GSE1: variants seen among roughly 807,000 people sequenced by gnomAD.
GSE1 encodes Gse1 coiled-coil protein.
In GSE1, 32 loss-of-function variants were observed where a neutral mutation model predicts 112.6. That is an observed-to-expected ratio of 0.28 (90% CI 0.21 to 0.38). The LOEUF is 0.38. Among genes scored for constraint, GSE1 ranks in the 10% least tolerant of loss-of-function variants. The pLI is 1.00. For missense variants in GSE1, 2,348 were observed against 1,699.2 expected (o/e 1.38, Z -6.71); for synonymous variants, 1,115 against 735.6 (o/e 1.52, Z -8.35).
At chr16:85,489,512 C>T (rs1035449061) in intron 2 of GSE1, among the ~76,000 whole-genome samples, 1 of 152,088 alleles carries the variant, frequency 6.6e-6, no homozygotes, top group Non-Finnish European at 1.5e-5. Context: ...ACTGTGCAGC[C>T]ATCGGACCCA....
intron 2 of GSE1, among the ~76,000 whole-genome samples, chr16:85,506,465 C>T (rs1471096330): frequency 6.6e-6 from 1 of 151,984 alleles, no homozygotes; most frequent in African/African-American, 2.4e-5. Context: ...GGGAAGGGTT[C>T]TTCCAGGAAA....
chr16:85,468,517 C>G (rs932263025), intron 2 of GSE1, among the ~76,000 whole-genome samples: 18 of 151,958 alleles, frequency 1.2e-4, no homozygotes, highest in Admixed American at 5.2e-4. Flanking sequence ...GGGTTTTCAC[C>G]ATGTTGGCCA....
chr16:85,662,554 T>G (rs2052523398), intron 9 of GSE1: 1 of 159,608 alleles, frequency 6.3e-6, no homozygotes, highest in South Asian at 2.0e-4. Flanking sequence ...GCTCTGCTAT[T>G]GTTCTCTGTG....
intron 1 of GSE1, among the ~76,000 whole-genome samples, chr16:85,233,548 G>A (rs1024120927): frequency 1.3e-5 from 2 of 152,208 alleles, no homozygotes; most frequent in Non-Finnish European, 2.9e-5. Context: ...GTTGTACAGT[G>A]TCTGGATGCT....
At chr16:85,476,775 T>TA (rs2050469344) in intron 2 of GSE1, among the ~76,000 whole-genome samples, 4 of 80,756 alleles carry the variant, frequency 5.0e-5, no homozygotes, top group Non-Finnish European at 2.0e-5. Flanking sequence ...CGCCTGACCA[T>TA]TTTTTTTTTT....
intron 2 of GSE1, among the ~76,000 whole-genome samples, chr16:85,376,141 T>C (rs1474014299): frequency 1.3e-5 from 2 of 152,088 alleles, no homozygotes; most frequent in Non-Finnish European, 2.9e-5. Context: ...GGCTTCTCTC[T>C]TTTCATCCCC....
chr16:85,457,873 G>A (rs1164317383), intron 2 of GSE1, among the ~76,000 whole-genome samples: 1 of 152,236 alleles, frequency 6.6e-6, no homozygotes, highest in East Asian at 1.9e-4. Context: ...AGTGTGCAGG[G>A]CCCTGTGCGG....
intron 2 of GSE1, among the ~76,000 whole-genome samples, chr16:85,520,410 C>G (rs1176791419): frequency 1.3e-5 from 2 of 151,796 alleles, no homozygotes; most frequent in African/African-American, 2.4e-5. Flanking sequence ...TTGGAGGGAT[C>G]TTTCCAGCCC....
At chr16:85,463,029 C>T in intron 2 of GSE1, 1 of 920,722 alleles carries the variant, frequency 1.1e-6, no homozygotes, top group Non-Finnish European at 1.3e-6. Context: ...GCGGGCCATG[C>T]TGGGCAGCCC....
chr16:85,584,112 C>T (rs1320712489), intron 1 of GSE1, among the ~76,000 whole-genome samples: 1 of 152,240 alleles, frequency 6.6e-6, no homozygotes, highest in Non-Finnish European at 1.5e-5. Context: ...GCCAGCTGCA[C>T]AGCCCGCAGA....
At chr16:85,422,955 A>C (rs2048884977) in intron 2 of GSE1, among the ~76,000 whole-genome samples, 1 of 152,172 alleles carries the variant, frequency 6.6e-6, no homozygotes, top group Non-Finnish European at 1.5e-5. Context: ...CACAAACCCC[A>C]GAGCTAATAT....
At chr16:85,594,503 A>C (rs1598315291) in intron 1 of GSE1, 1 of 152,178 alleles carries the variant, frequency 6.6e-6, no homozygotes, top group Non-Finnish European at 1.5e-5. Flanking sequence ...GAACGGTTTC[A>C]AATTGTCCTT....
intron 1 of GSE1, among the ~76,000 whole-genome samples, chr16:85,268,496 G>A (rs1308379452): frequency 2.6e-5 from 4 of 152,096 alleles, no homozygotes; most frequent in African/African-American, 9.7e-5. Context: ...GGGGAGGGGG[G>A]TTGCCAGTCA....
chr16:85,437,489 C>T (rs1245348732), intron 2 of GSE1, among the ~76,000 whole-genome samples: 4 of 152,014 alleles, frequency 2.6e-5, no homozygotes, highest in Non-Finnish European at 4.4e-5. Context: ...TCTAGGGAGG[C>T]GGCACCCACA....
At chr16:85,535,341 C>T (rs961847325) in intron 2 of GSE1, among the ~76,000 whole-genome samples, 1 of 152,256 alleles carries the variant, frequency 6.6e-6, no homozygotes, top group African/African-American at 2.4e-5. Context: ...TTGTCTGCGG[C>T]CACAGCCAGG....
In GSE1 at chr16:85,373,199, C is replaced by T. The variant is rs113108826; in HGVS notation, c.2464+15556C>T. 6.6e-6 allele frequency among the ~76,000 whole-genome samples: 1 copy of T among 152,190 alleles called. No homozygotes were observed. The highest frequency in any genetic ancestry group is 2.4e-5 in the African/African-American group (1 of 41,454). On this transcript the variant is annotated intron_variant, in intron 2 of 2. Transcript: ENST00000637419. The surrounding 1 kb of genome is among the most constrained non-coding windows in gnomAD (Gnocchi z 5.1). Reference sequence around the variant, plus strand: ...CTTGTCCACCAGGGTGGGTGCCAGGCGCCTGGTAGCAGGCCCAGCTGCCTC... The same window carrying T: ...CTTGTCCACCAGGGTGGGTGCCAGGTGCCTGGTAGCAGGCCCAGCTGCCTC...
intron 2 of GSE1, among the ~76,000 whole-genome samples, chr16:85,643,370 C>G (rs1215041175): frequency 6.6e-6 from 1 of 152,190 alleles, no homozygotes; most frequent in Non-Finnish European, 1.5e-5. Context: ...GGGCATCGAT[C>G]GAGGCTGAGC....
At chr16:85,210,035 C>G (rs1257526827) in intron 1 of GSE1, among the ~76,000 whole-genome samples, 1 of 152,232 alleles carries the variant, frequency 6.6e-6, no homozygotes, top group South Asian at 2.1e-4. Flanking sequence ...ATAGTCCCAA[C>G]TATTAGCATA....
At chr16:85,512,811 A>G (rs1567549940) in intron 2 of GSE1, among the ~76,000 whole-genome samples, 1 of 152,102 alleles carries the variant, frequency 6.6e-6, no homozygotes, top group Non-Finnish European at 1.5e-5. Flanking sequence ...CAGGTCCGAG[A>G]GGGTCGGGTA....
Sources: gnomAD v4.1 joint callset for allele counts (sites outside exome capture counted in the v4.1 genomes callset) on GRCh38, gnomAD v4.1.1 for gene constraint, Gnocchi (gnomAD v3.1) non-coding constraint, MANE v1.5 for transcripts, NCBI Gene and HGNC (gene_info 2026-07-23, HGNC 2026-07-21) for gene names.